ROS1: variants seen among roughly 807,000 people sequenced by gnomAD.
ROS1 encodes the protein ROS proto-oncogene 1, receptor tyrosine kinase, also known as proto-oncogene tyrosine-protein kinase ROS.
ROS1 carries 263 observed loss-of-function variants against 273.5 expected under a neutral mutation model. The observed-to-expected ratio is 0.96, with a 90% CI of 0.87 to 1.06. The LOEUF is 1.06. Among genes scored for constraint, ROS1 ranks in the 50% least tolerant of loss-of-function variants. The probability of loss-of-function intolerance (pLI) is 0.00; values close to 1 mark genes in which losing one functional copy is unlikely to be tolerated. For synonymous variants in ROS1, 1,008 were observed against 954.1 expected (o/e 1.06, Z -1.04); for missense variants, 2,833 against 2,751.1 (o/e 1.03, Z -0.67).
At chr6:117,315,553 T>C (rs1044128754) in intron 39 of ROS1, among the ~76,000 whole-genome samples, 1 of 151,970 alleles carries the variant, frequency 6.6e-6, no homozygotes, top group Non-Finnish European at 1.5e-5. Context: ...GAAAGAAAGA[T>C]GTAGTGGCTT....
At chr6:117,340,163 T>G (rs1266678742) in intron 31 of ROS1, among the ~76,000 whole-genome samples, 1 of 152,162 alleles carries the variant, frequency 6.6e-6, no homozygotes, top group Non-Finnish European at 1.5e-5. Context: ...GTGGCAATTT[T>G]TTAAATAGAC....
chr6:117,356,914 G>T lies in ROS1; in HGVS notation c.3841C>A (p.Arg1281Ser), dbSNP rs199725375. The T allele has an allele frequency of 6.2e-6, 10 of 1,600,206 alleles. No homozygotes were observed. The highest frequency in any genetic ancestry group is 2.7e-5 in the African/African-American group (2 of 73,778). Residue 1281 changes from arginine (R) to serine (S), a missense_variant and splice_region_variant, in exon 26 of 44, where the codon CGC becomes AGC. Physicochemically the swap from Arg to Ser is moderately radical, Grantham distance 110. Coordinates refer to ENST00000368507, the MANE Select transcript of ROS1 (RefSeq NM_001378902.1). ...TTGGAAACTTCTGTCCAATACAAGC[G>T]ACTATAGAGGAAAAAAAAGTCCCCC... The part of the protein sequence containing the change: ...ISFSVYPLLS[R>S]LYWTEVSNFG...
At position 117,404,366 on chromosome 6, in the gene ROS1, G is replaced by C. The variant is rs374639065; in HGVS notation, c.379C>G (p.Arg127Gly). 6.2e-7 allele frequency: 1 copy of C among 1,613,776 alleles called. No individual in the cohort carries two copies. Among genetic ancestry groups the C allele is most frequent in the South Asian group, 1.1e-5 (1 of 91,016 alleles). ...SSIGSHNMTLRWKSANFSGVK... is the reference protein window; with the variant it reads ...SSIGSHNMTLGWKSANFSGVK... ...CCAGAGAAGTTTGCAGATTTCCATC[G>C]TAATGTCATATTGTGGCTTCCAATG... is the stretch of plus-strand genomic sequence containing the variant. Residue 127 changes from arginine (R) to glycine (G), a missense_variant, in exon 6 of 44, where the codon CGA becomes GGA. Arg to Gly is a moderately radical substitution (Grantham distance 125). Transcript: ENST00000368507.
intron 42 of ROS1, among the ~76,000 whole-genome samples, chr6:117,304,101 T>C (rs1201421666): frequency 6.6e-6 from 1 of 152,188 alleles, no homozygotes; most frequent in African/African-American, 2.4e-5. Context: ...GCAATTTACA[T>C]AATGGGTATA....
intron 4 of ROS1, among the ~76,000 whole-genome samples, chr6:117,412,715 A>C (rs954732176): frequency 1.3e-5 from 2 of 152,236 alleles, no homozygotes; most frequent in Non-Finnish European, 2.9e-5. Context: ...AAGTATAAAG[A>C]GAAAGAATAG....
At position 117,393,371 on chromosome 6, in the gene ROS1, A is replaced by G. The variant is rs779533470; in HGVS notation, c.1192-50T>C. Reference sequence around the variant, plus strand: ...TAGGATTAGCATCTGTCTATACAGCATTAAATTCAGCCAACAAGTATCCCT... The same window carrying G: ...TAGGATTAGCATCTGTCTATACAGCGTTAAATTCAGCCAACAAGTATCCCT... On this transcript the variant is annotated intron_variant, in intron 11 of 43. Coordinates refer to ENST00000368507, the MANE Select transcript of ROS1 (RefSeq NM_001378902.1). 3 of 1,161,028 alleles carry G rather than the reference A, an allele frequency of 2.6e-6. No individual in the cohort carries two copies. The South Asian group carries it at 3.8e-5, about 15-fold the overall frequency. The allele number at this position is 1,161,028 out of a possible 1,614,324, so 71.9% of individuals were successfully genotyped here. A position where few individuals can be genotyped will look rare whatever the true frequency, so the allele number is the denominator to read the frequency against.
At chr6:117,347,009 G>T (rs1389717252) in intron 27 of ROS1, among the ~76,000 whole-genome samples, 1 of 152,024 alleles carries the variant, frequency 6.6e-6, no homozygotes, top group East Asian at 1.9e-4. Context: ...CCCCAACTTT[G>T]TTCTTCTCCT....
chr6:117,334,310 G>A (rs1379160659), intron 32 of ROS1, among the ~76,000 whole-genome samples: 2 of 151,964 alleles, frequency 1.3e-5, no homozygotes, highest in Admixed American at 1.3e-4. Flanking sequence ...ACCTCTTCAA[G>A]GAAAACTACA....
Position 117,394,030 on chromosome 6 carries a change from C to A in ROS1, c.1191+132G>T, listed in dbSNP as rs569164106. ...GGCCAGATCTATGATTCATTGATAA[C>A]CTAGTATCTAAGGCATAGTAAATAC... On this transcript the variant is annotated intron_variant, in intron 11 of 43. Transcript: ENST00000368507. 3.0e-4 allele frequency: 156 copies of A among 523,172 alleles called. 3 individuals carry two copies. The East Asian group carries it at 5.3e-3, about 18-fold the overall frequency. The allele number at this position is 523,172 out of a possible 1,614,324, so 32.4% of individuals were successfully genotyped here. A position where few individuals can be genotyped will look rare whatever the true frequency, so the allele number is the denominator to read the frequency against.
At chr6:117,309,063 A>T (rs1322776809) in intron 41 of ROS1, 135 bp from the exon 42 acceptor site, 10 of 734,304 alleles carry the variant, frequency 1.4e-5, no homozygotes, top group Non-Finnish European at 2.0e-5. Context: ...TAAAAGGCAA[A>T]CGGCAGATAT....
chr6:117,409,006 T>C (rs1038744690), intron 5 of ROS1, among the ~76,000 whole-genome samples: 2 of 136,342 alleles, frequency 1.5e-5, no homozygotes, highest in East Asian at 2.1e-4. Flanking sequence ...TAGGTGGTAA[T>C]TGAACAATGA....
intron 24 of ROS1, among the ~76,000 whole-genome samples, chr6:117,359,370 A>G (rs1236253479): frequency 6.6e-6 from 1 of 152,202 alleles, no homozygotes; most frequent in Non-Finnish European, 1.5e-5. Flanking sequence ...TGGGAACCCT[A>G]TGATGAGGTA....
At position 117,310,071 on chromosome 6, in the gene ROS1, T is replaced by G. The variant is rs1346145774; in HGVS notation, c.6416+10A>C. The G allele has an allele frequency of 6.2e-7, 1 of 1,609,510 alleles. No individual in the cohort carries two copies. The highest frequency in any genetic ancestry group is 2.2e-5 in the East Asian group (1 of 44,822). On this transcript the variant is annotated intron_variant, in intron 41 of 43. Transcript: ENST00000368507. ...TCTGTCAGCATTACTCTGTGTCCCGTTAAACTTACCATACATCAGATTGAG... is the reference window on the plus strand; with the variant it reads ...TCTGTCAGCATTACTCTGTGTCCCGGTAAACTTACCATACATCAGATTGAG...
intron 25 of ROS1, 128 bp downstream of exon 25, chr6:117,357,676 T>C (rs952964533): frequency 3.2e-6 from 2 of 625,888 alleles, no homozygotes; most frequent in Non-Finnish European, 5.5e-6. Context: ...TACTATAATA[T>C]AGTGGGCCAA....
chr6:117,362,561 C>A (rs766780646), intron 22 of ROS1, 42 bp downstream of exon 22: 1 of 1,569,254 alleles, frequency 6.4e-7, no homozygotes, highest in Non-Finnish European at 8.7e-7. Flanking sequence ...CCCCACAATG[C>A]CGCTATTAAG....
chr6:117,331,759 A>G (rs1449431505), intron 32 of ROS1, among the ~76,000 whole-genome samples: 1 of 152,206 alleles, frequency 6.6e-6, no homozygotes, highest in African/African-American at 2.4e-5. Flanking sequence ...TAAGTGAAGG[A>G]GAAATAAAAT....
At chr6:117,288,845 AT>A (rs1773623340) in intron 43 of ROS1, 43 bp from the exon 44 acceptor site, 2 of 1,444,526 alleles carry the variant, frequency 1.4e-6, no homozygotes, top group African/African-American at 1.4e-5. Flanking sequence ...GTATTTAATT[AT>A]TTATTTGTAA....
At chr6:117,320,098 A>G in intron 36 of ROS1, 68 bp from the exon 37 acceptor site, 1 of 1,389,340 alleles carries the variant, frequency 7.2e-7, no homozygotes, top group Non-Finnish European at 1.0e-6. Context: ...TTGTGTTGGT[A>G]TTGGTATTTG....
intron 22 of ROS1, among the ~76,000 whole-genome samples, chr6:117,361,701 T>C (rs1425708019): frequency 1.3e-5 from 2 of 151,710 alleles, no homozygotes; most frequent in African/African-American, 2.4e-5. Context: ...GATTAGTATA[T>C]GTAGACAACA....
Sources: allele counts gnomAD v4.1 joint callset (sites outside exome capture counted in the v4.1 genomes callset), GRCh38; gene constraint gnomAD v4.1.1; transcripts MANE v1.5; gene names NCBI Gene and HGNC (gene_info 2026-07-23, HGNC 2026-07-21).